PRH1: variants seen among roughly 807,000 people sequenced by gnomAD.
The protein encoded by PRH1 is proline rich protein HaeIII subfamily 1.
A neutral mutation model predicts 7.9 loss-of-function variants in PRH1; 7 were observed. The ratio of observed to expected loss-of-function variants is 0.89; its 90% confidence interval spans 0.50 to 1.67. PRH1 has a LOEUF of 1.67. PRH1 is among the 40% of genes most tolerant of loss of function. The pLI, the probability that PRH1 is intolerant of heterozygous loss-of-function variation, is 0.00. For synonymous variants in PRH1, 45 were observed against 80.8 expected (o/e 0.56, Z 2.38); for missense variants, 109 against 223.6 (o/e 0.49, Z 3.27).
chr12:11,151,862 A>G (rs911265753), intron 1 of PRH1, among the ~76,000 whole-genome samples: 1 of 152,100 alleles, frequency 6.6e-6, no homozygotes, highest in Admixed American at 6.5e-5. Context: ...TCTATTAGTG[A>G]GTTGATTATC....
intron 1 of PRH1, among the ~76,000 whole-genome samples, chr12:11,108,824 T>C (rs950170138): frequency 6.6e-6 from 1 of 152,142 alleles, no homozygotes; most frequent in African/African-American, 2.4e-5. Flanking sequence ...ACAGAACCAT[T>C]CAGTCCCCTG....
At chr12:11,169,873 G>T (rs1009432149) in intron 1 of PRH1, among the ~76,000 whole-genome samples, 2 of 152,128 alleles carry the variant, frequency 1.3e-5, no homozygotes, top group Non-Finnish European at 2.9e-5. Flanking sequence ...AATACTAGCT[G>T]GGAACACAAA....
chr12:11,128,119 A>AAAAAAG (rs1277744612), intron 1 of PRH1, among the ~76,000 whole-genome samples: 2 of 151,242 alleles, frequency 1.3e-5, no homozygotes, highest in Admixed American at 6.6e-5. Flanking sequence ...TCAAAAAAAA[A>AAAAAAG]AAAAAGAAAA....
At chr12:11,016,037 T>A (rs1341968970) in intron 1 of PRH1, among the ~76,000 whole-genome samples, 2 of 152,142 alleles carry the variant, frequency 1.3e-5, no homozygotes, top group African/African-American at 4.8e-5. Flanking sequence ...CTCCAGGAAA[T>A]GGACTTGGAA....
At chr12:11,037,399 T>C in intron 1 of PRH1, among the ~76,000 whole-genome samples, 1 of 152,256 alleles carries the variant, frequency 6.6e-6, no homozygotes. Flanking sequence ...GGTATTTTTC[T>C]CTAATGTAGA....
At chr12:11,011,255 T>C (rs979924061) in intron 1 of PRH1, among the ~76,000 whole-genome samples, 1 of 152,112 alleles carries the variant, frequency 6.6e-6, no homozygotes, top group Non-Finnish European at 1.5e-5. Flanking sequence ...TATGTGCACC[T>C]GATTTCTGAA....
chr12:10,906,614 A>C (rs1396945844), intron 2 of PRH1, among the ~76,000 whole-genome samples: 1 of 152,152 alleles, frequency 6.6e-6, no homozygotes. Flanking sequence ...TTTCCCCCAT[A>C]CTGTTCTCAT....
chr12:11,168,287 AGAAAGAAAGAAAGAAG>A (rs1565725808), intron 1 of PRH1, among the ~76,000 whole-genome samples: 6 of 30,526 alleles, frequency 2.0e-4, no homozygotes, highest in East Asian at 6.3e-4. Context: ...AAAGAAAGAA[AGAAAGAAAGAAAGAAG>A]GAAGGAAGGA....
Position 11,066,637 on chromosome 12 carries a change from G to A in PRH1, n.124-19449C>T, listed in dbSNP as rs541146689. 7.3e-4 allele frequency among the ~76,000 whole-genome samples: 27 copies of A among 37,000 alleles called. No homozygotes were observed. The East Asian group carries it at 0.026, about 36-fold the overall frequency. 24.3% of individuals were successfully genotyped at this position (37,000 alleles called of 152,430 possible). Reference sequence around the variant, plus strand: ...AAATATATCATTTAATGAGATAGATGTATATATAGATGATGATGATAATAA... The same window carrying A: ...AAATATATCATTTAATGAGATAGATATATATATAGATGATGATGATAATAA... On this transcript the variant is annotated intron_variant and non_coding_transcript_variant, in intron 1 of 4. Transcript: ENST00000541977.
intron 2 of PRH1, among the ~76,000 whole-genome samples, chr12:10,935,158 CA>C (rs1950269005): frequency 6.6e-6 from 1 of 152,070 alleles, no homozygotes; most frequent in South Asian, 2.1e-4. Flanking sequence ...TAATTGTTTG[CA>C]AGTTCCCGTA....
intron 1 of PRH1, among the ~76,000 whole-genome samples, chr12:11,083,556 A>AAAGTAG (rs1944566774): frequency 7.0e-6 from 1 of 142,802 alleles, no homozygotes; most frequent in Non-Finnish European, 1.5e-5. Flanking sequence ...ATAAAGTAAT[A>AAAGTAG]AGGTCTAAAT....
chr12:11,060,862 T>A (rs1319780170), intron 1 of PRH1, among the ~76,000 whole-genome samples: 1 of 152,274 alleles, frequency 6.6e-6, no homozygotes, highest in Admixed American at 6.5e-5. Context: ...TTATTATTGA[T>A]TTAGAATTGA....
At chr12:11,113,249 T>C (rs565243294) in intron 1 of PRH1, among the ~76,000 whole-genome samples, 2 of 152,282 alleles carry the variant, frequency 1.3e-5, no homozygotes, top group African/African-American at 4.8e-5. Context: ...AGAGCCCGTG[T>C]AGCCAAGACA....
At chr12:10,919,851 T>A (rs76580737) in intron 2 of PRH1, among the ~76,000 whole-genome samples, 5,588 of 151,946 alleles carry the variant, frequency 0.037, 146 homozygotes, top group Non-Finnish European at 0.058. Context: ...TTTTAATAAT[T>A]TTTTTGAGAC....
chr12:10,892,207 A>G (rs528500641), intron 2 of PRH1, among the ~76,000 whole-genome samples: 16 of 152,174 alleles, frequency 1.1e-4, no homozygotes, highest in Non-Finnish European at 1.6e-4. Context: ...TGCTCACAAG[A>G]TAAGAGCTAG....
intron 1 of PRH1, among the ~76,000 whole-genome samples, chr12:11,012,496 C>T (rs1036892980): frequency 2.0e-5 from 3 of 152,006 alleles, no homozygotes; most frequent in African/African-American, 4.8e-5. Flanking sequence ...AGGCAGGAAC[C>T]GAGGATTATT....
intron 1 of PRH1, among the ~76,000 whole-genome samples, chr12:11,069,163 C>G (rs1413111823): frequency 6.6e-6 from 1 of 150,404 alleles, no homozygotes; most frequent in Non-Finnish European, 1.5e-5. Context: ...AGAAATCTGT[C>G]TACCTAAACC....
At chr12:10,936,966 G>C (rs570334208) in intron 2 of PRH1, among the ~76,000 whole-genome samples, 11 of 152,202 alleles carry the variant, frequency 7.2e-5, no homozygotes, top group Non-Finnish European at 1.6e-4. Flanking sequence ...TTTAAGGGGA[G>C]AGGGGAATGT....
At chr12:10,886,696 CA>C (rs1224596232), upstream of PRH1, among the ~76,000 whole-genome samples, 2 of 152,196 alleles carry the variant, frequency 1.3e-5, no homozygotes, top group South Asian at 4.1e-4. Context: ...CAGTCTTCAA[CA>C]TATGAAATTT....
Sources: allele counts gnomAD v4.1 joint callset (sites outside exome capture counted in the v4.1 genomes callset), GRCh38; gene constraint gnomAD v4.1.1; transcripts MANE v1.5; gene names NCBI Gene and HGNC (gene_info 2026-07-23, HGNC 2026-07-21).